ACSF3: variants seen among roughly 807,000 people sequenced by gnomAD.
ACSF3 encodes acyl-CoA synthetase family member 3.
A neutral mutation model predicts 53.2 loss-of-function variants in ACSF3; 78 were observed. The observed-to-expected ratio is 1.47, with a 90% CI of 1.22 to 1.77. The LOEUF is 1.77. ACSF3 is among the 40% of genes most tolerant of loss of function. The probability of loss-of-function intolerance (pLI) is 0.00; values close to 1 mark genes in which losing one functional copy is unlikely to be tolerated. For missense variants in ACSF3, 937 were observed against 771.1 expected, an observed-to-expected ratio of 1.22 and a Z score of -2.55; for synonymous variants, 414 against 333.1, an observed-to-expected ratio of 1.24 and a Z score of -2.65.
At chr16:89,111,921 C>T (rs1976721506) in intron 4 of ACSF3, among the ~76,000 whole-genome samples, 171 bp from the exon 5 acceptor site, 1 of 152,366 alleles carries the variant, frequency 6.6e-6, no homozygotes, top group South Asian at 2.1e-4. Context: ...CTGTCCCGCG[C>T]AACATGGCTT....
intron 2 of ACSF3, among the ~76,000 whole-genome samples, chr16:89,099,459 T>G (rs1435960107): frequency 1.3e-5 from 2 of 152,136 alleles, no homozygotes; most frequent in Admixed American, 1.3e-4. Context: ...CTAAAACACG[T>G]TTTCTAGCTC....
intron 4 of ACSF3, among the ~76,000 whole-genome samples, chr16:89,110,556 C>G (rs530324171): frequency 1.3e-5 from 2 of 152,344 alleles, no homozygotes; most frequent in African/African-American, 2.4e-5. Flanking sequence ...TTCGTTACTT[C>G]TGGTTTACGT....
chr16:89,101,976 A>C (rs1975401485), intron 3 of ACSF3, among the ~76,000 whole-genome samples: 1 of 152,118 alleles, frequency 6.6e-6, no homozygotes, highest in Admixed American at 6.5e-5. Context: ...GCCTGTCGGG[A>C]GGGACGGGCT....
chr16:89,109,738 T>G (rs754990032), intron 4 of ACSF3, among the ~76,000 whole-genome samples: 22 of 152,080 alleles, frequency 1.4e-4, no homozygotes, highest in Non-Finnish European at 2.2e-4. Flanking sequence ...TTTGTGTTTA[T>G]TTTTACTTTT....
chr16:89,093,946 G>A lies in ACSF3; in HGVS notation c.-244G>A, dbSNP rs1475693155. The A allele has an allele frequency of 6.1e-6, 2 of 326,060 alleles. No individual in the cohort carries two copies. Among genetic ancestry groups the A allele is most frequent in the Non-Finnish European group, 1.3e-5 (2 of 156,246 alleles). The allele number at this position is 326,060 out of a possible 1,614,324, so 20.2% of individuals were successfully genotyped here. A position where few individuals can be genotyped will look rare whatever the true frequency, so the allele number is the denominator to read the frequency against. On this transcript the variant is annotated 5_prime_UTR_variant, in exon 1 of 11. Coordinates refer to ENST00000614302, the MANE Select transcript of ACSF3 (RefSeq NM_001243279.3). The stretch of plus-strand genomic sequence containing the variant: ...CGGCGCGCGCGCGGCGGAGGACGAG[G>A]AAGAGTTGTGGCGAGGCAGATCCTG...
Position 89,102,738 on chromosome 16 carries a change from G to T in ACSF3, c.801G>T (p.Met267Ile). 6.2e-7 allele frequency: 1 copy of T among 1,612,892 alleles called. No individual in the cohort carries two copies. The change falls in exon 4 of 11, where the codon ATG (methionine) becomes ATT (isoleucine). Residue 267 changes from methionine (M) to isoleucine (I), a missense_variant. Physicochemically the swap from Met to Ile is conservative, Grantham distance 10 (BLOSUM62 1). Transcript: ENST00000614302. Reference sequence around the variant, plus strand: ...GGGTGGGAGCCACCTGTGTGATGATGCCTGAGTTCAGCCCTCAGCAGGTGA... The same window carrying T: ...GGGTGGGAGCCACCTGTGTGATGATTCCTGAGTTCAGCCCTCAGCAGGTGA... ...PLWVGATCVM[M>I]PEFSPQQVWE... is the part of the protein sequence containing the mutation.
intron 8 of ACSF3, among the ~76,000 whole-genome samples, chr16:89,135,803 C>G (rs959436316): frequency 6.6e-6 from 1 of 152,268 alleles, no homozygotes. Flanking sequence ...GAGACGGAGT[C>G]TCGCTCTGTC....
chr16:89,120,608 A>G (rs1249898302), intron 6 of ACSF3, among the ~76,000 whole-genome samples, 193 bp from the exon 7 acceptor site: 2 of 152,232 alleles, frequency 1.3e-5, no homozygotes, highest in South Asian at 2.1e-4. Flanking sequence ...CTTGCCAGCC[A>G]CGTATCGTGT....
chr16:89,106,225 G>A (rs1975966345), intron 4 of ACSF3, among the ~76,000 whole-genome samples: 2 of 152,204 alleles, frequency 1.3e-5, no homozygotes, highest in Admixed American at 6.5e-5. Context: ...ACGGACACGG[G>A]AAAGCCTCAG....
chr16:89,117,070 GAGGCTGC>G (rs1905246793), intron 6 of ACSF3, among the ~76,000 whole-genome samples: 1 of 152,202 alleles, frequency 6.6e-6, no homozygotes, highest in South Asian at 2.1e-4. Context: ...CCGGCTCGCT[GAGGCTGC>G]AGGCTGCAGG....
At chr16:89,104,459 A>G (rs1329852373) in intron 4 of ACSF3, among the ~76,000 whole-genome samples, 1 of 152,200 alleles carries the variant, frequency 6.6e-6, no homozygotes, top group Non-Finnish European at 1.5e-5. Context: ...CGCTCTTGCC[A>G]GGACTCTTCC....
chr16:89,115,728 G>C (rs1020572953), intron 6 of ACSF3, among the ~76,000 whole-genome samples: 1 of 152,216 alleles, frequency 6.6e-6, no homozygotes, highest in African/African-American at 2.4e-5. Context: ...ATGGGTGGGA[G>C]GTCACGAGCA....
intron 1 of ACSF3, among the ~76,000 whole-genome samples, chr16:89,094,301 T>G (rs559843960): frequency 0.032 from 4,937 of 152,124 alleles, 241 homozygotes; most frequent in African/African-American, 0.11. Flanking sequence ...ACGAATCGTC[T>G]TTGGTTGTGT....
intron 7 of ACSF3, among the ~76,000 whole-genome samples, chr16:89,121,682 G>A (rs915606497): frequency 6.6e-6 from 1 of 152,230 alleles, no homozygotes; most frequent in Non-Finnish European, 1.5e-5. Context: ...GGGATCCTGA[G>A]TCTCATCTCT....
chr16:89,153,684 C>G (rs1396159170), intron 10 of ACSF3: 10 of 318,536 alleles, frequency 3.1e-5, no homozygotes, highest in Non-Finnish European at 5.5e-5. Context: ...CAGCCTCTTC[C>G]GCACGCCTCC....
chr16:89,154,898 C>T lies in ACSF3; in HGVS notation c.*691C>T, dbSNP rs1191103748. The T allele has an allele frequency of 8.8e-6, 4 of 453,996 alleles. No individual in the cohort carries two copies. The highest frequency in any genetic ancestry group is 2.0e-5 in the African/African-American group (1 of 49,980). The allele number at this position is 453,996 out of a possible 1,614,324, so 28.1% of individuals were successfully genotyped here. On this transcript the variant is annotated 3_prime_UTR_variant, in exon 11 of 11. Coordinates refer to ENST00000614302, the MANE Select transcript of ACSF3 (RefSeq NM_001243279.3). The stretch of plus-strand genomic sequence containing the variant: ...TCTGCCGTGACCCTGCCTCACCCCC[C>T]AGCGCAGGGACTTTCCAGGTCATCT...
intron 4 of ACSF3, 98 bp from the exon 5 acceptor site, chr16:89,111,994 A>G (rs1410631429): frequency 1.8e-6 from 1 of 566,818 alleles, no homozygotes; most frequent in African/African-American, 4.7e-5. Flanking sequence ...AGACTCTTGA[A>G]TGTGAACCAT....
chr16:89,108,183 G>A (rs1021509460), intron 4 of ACSF3, among the ~76,000 whole-genome samples: 5 of 152,172 alleles, frequency 3.3e-5, no homozygotes, highest in African/African-American at 1.2e-4. Context: ...GGGAATTCTG[G>A]GAGATACAGT....
intron 4 of ACSF3, among the ~76,000 whole-genome samples, chr16:89,110,631 C>T (rs528020504): frequency 6.6e-6 from 1 of 152,294 alleles, no homozygotes; most frequent in South Asian, 2.1e-4. Flanking sequence ...TATTTTGGAT[C>T]TTCTGGGTCC....
Sources: allele counts gnomAD v4.1 joint callset (sites outside exome capture counted in the v4.1 genomes callset), GRCh38; gene constraint gnomAD v4.1.1; transcripts MANE v1.5; gene names NCBI Gene and HGNC (gene_info 2026-07-23, HGNC 2026-07-21).